DCC: variants seen among roughly 807,000 people sequenced by gnomAD.
DCC encodes the protein DCC netrin 1 receptor.
In DCC, 58 loss-of-function variants were observed where a neutral mutation model predicts 172.5. That is an observed-to-expected ratio of 0.34 (90% CI 0.27 to 0.42). The LOEUF is 0.42. DCC is among the 10% of genes least tolerant of loss of function. The pLI, the probability that DCC is intolerant of heterozygous loss-of-function variation, is 1.00. For synonymous variants in DCC, 709 were observed against 644.5 expected (o/e 1.10, Z -1.52); for missense variants, 1,740 against 1,791.0 (o/e 0.97, Z 0.51).
In DCC at chr18:52,929,378, TA is replaced by T. The variant is rs201850503; in HGVS notation, c.985+4016del. Among the ~76,000 whole-genome samples the T allele has an allele frequency of 8.8e-4, 134 of 151,978 alleles. No individual in the cohort carries two copies. The South Asian group carries it at 0.012, about 14-fold the overall frequency. On this transcript the variant is annotated intron_variant, in intron 5 of 28. Coordinates refer to ENST00000442544, the MANE Select transcript of DCC (RefSeq NM_005215.4). ...ATTTTTAATCTTACTGAAACAGCTA[TA>T]AAAAAAAGCAGGTTTATGTGATGTA...
intron 2 of DCC, among the ~76,000 whole-genome samples, chr18:52,887,185 T>C (rs890792160): frequency 2.0e-5 from 3 of 152,216 alleles, no homozygotes; most frequent in African/African-American, 7.2e-5. Context: ...AATTAAGACC[T>C]TGTAGATTCT....
At chr18:53,261,934 G>GT (rs746015784) in intron 12 of DCC, among the ~76,000 whole-genome samples, 10 of 152,188 alleles carry the variant, frequency 6.6e-5, no homozygotes, top group African/African-American at 2.2e-4. Context: ...CAGAAGAAAT[G>GT]TTTAATAGGG....
chr18:52,930,477 C>T (rs547294309), intron 5 of DCC, among the ~76,000 whole-genome samples: 144 of 152,224 alleles, frequency 9.5e-4, no homozygotes, highest in African/African-American at 3.1e-3. Flanking sequence ...GTATCTTTGT[C>T]ATTTATTTGC....
At chr18:52,424,896 TTTA>T (rs1469587928) in intron 1 of DCC, among the ~76,000 whole-genome samples, 1 of 150,834 alleles carries the variant, frequency 6.6e-6, no homozygotes, top group Non-Finnish European at 1.5e-5. Context: ...CCATTCATTT[TTTA>T]TTATCTCTCC....
chr18:52,966,762 G>A (rs1163095945), intron 5 of DCC, among the ~76,000 whole-genome samples: 1 of 152,220 alleles, frequency 6.6e-6, no homozygotes, highest in East Asian at 1.9e-4. Context: ...CCTATCAGTG[G>A]TCATGACTTT....
chr18:52,455,267 G>T (rs961474830), intron 1 of DCC, among the ~76,000 whole-genome samples: 6 of 151,970 alleles, frequency 3.9e-5, no homozygotes, highest in African/African-American at 2.4e-5. Context: ...AATTCAAAAA[G>T]AATTTATTTT....
At chr18:53,360,937 T>C (rs1261949706) in intron 15 of DCC, among the ~76,000 whole-genome samples, 1 of 152,286 alleles carries the variant, frequency 6.6e-6, no homozygotes, top group Non-Finnish European at 1.5e-5. Context: ...TAAGACGGTA[T>C]GTGCATGTTC....
intron 7 of DCC, among the ~76,000 whole-genome samples, chr18:53,100,008 A>G (rs1245832354): frequency 3.7e-5 from 5 of 134,882 alleles, no homozygotes; most frequent in Non-Finnish European, 6.1e-5. Context: ...GTGCAGTGGC[A>G]CAATCTTAGC....
chr18:53,470,730 A>G (rs886688872), intron 25 of DCC, among the ~76,000 whole-genome samples: 10 of 152,094 alleles, frequency 6.6e-5, no homozygotes, highest in African/African-American at 2.4e-4. Flanking sequence ...AAAGAGAGAG[A>G]GAGAGAAAAA....
chr18:53,264,399 C>T (rs764942592), intron 12 of DCC, among the ~76,000 whole-genome samples: 11 of 150,230 alleles, frequency 7.3e-5, no homozygotes, highest in Non-Finnish European at 1.6e-4. Flanking sequence ...AGGCTTGAAA[C>T]CAGAAGGTGG....
intron 14 of DCC, among the ~76,000 whole-genome samples, chr18:53,326,298 T>C (rs2057467068): frequency 6.6e-6 from 1 of 152,162 alleles, no homozygotes; most frequent in Non-Finnish European, 1.5e-5. Flanking sequence ...CATTTAGACA[T>C]AATGAAAACT....
At position 52,423,440 on chromosome 18, in the gene DCC, G is replaced by A. The variant is rs533437184; in HGVS notation, c.91+82562G>A. ...TCTGAAACACCTGCTTCCTATCCTC[G>A]GGAGGTGACTAACTCAGCTCAAGGC... On this transcript the variant is annotated intron_variant, in intron 1 of 28. Coordinates refer to ENST00000442544, the MANE Select transcript of DCC (RefSeq NM_005215.4). Among the ~76,000 whole-genome samples the A allele has an allele frequency of 1.4e-4, 22 of 152,102 alleles. No homozygotes were observed. In the East Asian group the frequency reaches 2.3e-3, roughly 16 times the overall value.
intron 1 of DCC, among the ~76,000 whole-genome samples, chr18:52,427,560 C>A (rs1987471122): frequency 6.6e-6 from 1 of 151,960 alleles, no homozygotes; most frequent in Non-Finnish European, 1.5e-5. Context: ...ATATTGAAGA[C>A]AAATATACTC....
At chr18:53,416,259 C>G (rs781429424) in intron 21 of DCC, 103 bp downstream of exon 21, 2 of 835,592 alleles carry the variant, frequency 2.4e-6, no homozygotes, top group Non-Finnish European at 4.1e-6. Context: ...GACCATACAC[C>G]TGATGAAGCA....
intron 5 of DCC, among the ~76,000 whole-genome samples, chr18:53,002,588 C>A (rs1299344962): frequency 6.6e-6 from 1 of 152,104 alleles, no homozygotes; most frequent in African/African-American, 2.4e-5. Flanking sequence ...TTAAACACCA[C>A]AACTCTGTGC....
At chr18:52,648,964 T>A (rs1184493236) in intron 1 of DCC, among the ~76,000 whole-genome samples, 1 of 152,206 alleles carries the variant, frequency 6.6e-6, no homozygotes. Context: ...GGGTTTCATA[T>A]GCAATCCCCC....
At chr18:53,294,984 G>A (rs1233860866) in intron 12 of DCC, among the ~76,000 whole-genome samples, 2 of 152,148 alleles carry the variant, frequency 1.3e-5, no homozygotes, top group African/African-American at 4.8e-5. Context: ...CAACAGCTTA[G>A]CCTTTATTTT....
intron 7 of DCC, among the ~76,000 whole-genome samples, chr18:53,125,126 T>A (rs1027705495): frequency 2.6e-5 from 4 of 152,118 alleles, no homozygotes; most frequent in Non-Finnish European, 5.9e-5. Context: ...ATCAAAGCAG[T>A]AATCTAAAAT....
At chr18:52,501,815 A>G (rs1001865109) in intron 1 of DCC, among the ~76,000 whole-genome samples, 3 of 152,190 alleles carry the variant, frequency 2.0e-5, no homozygotes, top group Non-Finnish European at 4.4e-5. Flanking sequence ...CATGTGATAG[A>G]AAACAGACTA....
Sources: gnomAD v4.1 joint callset for allele counts (sites outside exome capture counted in the v4.1 genomes callset) on GRCh38, gnomAD v4.1.1 for gene constraint, MANE v1.5 for transcripts, NCBI Gene and HGNC (gene_info 2026-07-23, HGNC 2026-07-21) for gene names.